Variants in LY86 observed in about 807,000 individuals in gnomAD.
LY86 encodes lymphocyte antigen 86.
LY86 carries 20 observed loss-of-function variants against 17.3 expected under a neutral mutation model. The ratio of observed to expected loss-of-function variants is 1.15; its 90% CI spans 0.81 to 1.68. The LOEUF (loss-of-function observed/expected upper bound fraction) is 1.68, where lower values mean the gene tolerates loss of function less well. Among genes scored for constraint, LY86 ranks in the 40% most tolerant of loss-of-function variants. The probability of loss-of-function intolerance (pLI) is 0.00; values close to 1 mark genes in which losing one functional copy is unlikely to be tolerated. For missense variants in LY86, 200 were observed against 191.9 expected (o/e 1.04, Z -0.25); for synonymous variants, 74 against 70.6 (o/e 1.05, Z -0.24).
At chr6:6,648,751 T>C (rs544635301) in intron 3 of LY86, among the ~76,000 whole-genome samples, 75 of 150,410 alleles carry the variant, frequency 5.0e-4, no homozygotes, top group African/African-American at 1.7e-3. Flanking sequence ...ATTGTCATTA[T>C]CTTACCCATC....
chr6:6,644,156 G>C (rs764776291), intron 3 of LY86, among the ~76,000 whole-genome samples: 1 of 152,198 alleles, frequency 6.6e-6, no homozygotes, highest in Non-Finnish European at 1.5e-5. Context: ...ATGGGGAGAG[G>C]GTTGCCTAAA....
intron 1 of LY86, among the ~76,000 whole-genome samples, chr6:6,603,324 C>A (rs1276337740): frequency 1.3e-5 from 2 of 151,672 alleles, no homozygotes; most frequent in Non-Finnish European, 2.9e-5. Flanking sequence ...CACACTAAAG[C>A]ATTCATGAAC....
At chr6:6,606,312 G>A (rs1581236678) in intron 1 of LY86, among the ~76,000 whole-genome samples, 1 of 152,284 alleles carries the variant, frequency 6.6e-6, no homozygotes, top group East Asian at 1.9e-4. Context: ...CAAACCCTGA[G>A]CTAGACACAG....
chr6:6,605,043 C>G (rs1222007149), intron 1 of LY86, among the ~76,000 whole-genome samples: 1 of 111,512 alleles, frequency 9.0e-6, no homozygotes, highest in Non-Finnish European at 2.0e-5. Context: ...AAAAAAAAAT[C>G]TAGAGTGTTT....
At chr6:6,649,568 T>C (rs1164011376) in intron 3 of LY86, 57 bp from the exon 4 acceptor site, 2 of 1,079,068 alleles carry the variant, frequency 1.9e-6, no homozygotes, top group Non-Finnish European at 2.8e-6. Flanking sequence ...ATCATGTGAA[T>C]GAATCATTTT....
At chr6:6,622,975 A>G (rs1236197971) in intron 1 of LY86, among the ~76,000 whole-genome samples, 1 of 152,180 alleles carries the variant, frequency 6.6e-6, no homozygotes, top group Non-Finnish European at 1.5e-5. Flanking sequence ...GACACTTTCT[A>G]GTGTGGGGAT....
intron 1 of LY86, among the ~76,000 whole-genome samples, chr6:6,603,009 G>A (rs1760960983): frequency 6.6e-6 from 1 of 152,124 alleles, no homozygotes; most frequent in South Asian, 2.1e-4. Context: ...AGAGGCCAGG[G>A]AGTCGGAGAT....
intron 1 of LY86, among the ~76,000 whole-genome samples, chr6:6,607,461 G>A (rs532865969): frequency 2.2e-4 from 33 of 152,110 alleles, no homozygotes; most frequent in African/African-American, 7.0e-4. Flanking sequence ...TAGAAATAAA[G>A]TATATGATTT....
intron 3 of LY86, among the ~76,000 whole-genome samples, chr6:6,631,256 T>G (rs1025363884): frequency 3.9e-5 from 6 of 152,178 alleles, no homozygotes; most frequent in Non-Finnish European, 4.4e-5. Context: ...AACTGTTTTT[T>G]CCTACATACA....
At chr6:6,600,793 A>G (rs1394505933) in intron 1 of LY86, among the ~76,000 whole-genome samples, 3 of 152,050 alleles carry the variant, frequency 2.0e-5, no homozygotes, top group Admixed American at 1.3e-4. Context: ...ATCATTTGCC[A>G]CGGGTCTGGA....
chr6:6,614,801 C>A (rs1761512134), intron 1 of LY86, among the ~76,000 whole-genome samples: 1 of 152,006 alleles, frequency 6.6e-6, no homozygotes, highest in African/African-American at 2.4e-5. Context: ...AGGGCCGTGC[C>A]TTTCTTGAAA....
chr6:6,629,207 G>A (rs1390599371), intron 3 of LY86, among the ~76,000 whole-genome samples: 1 of 152,220 alleles, frequency 6.6e-6, no homozygotes, highest in Non-Finnish European at 1.5e-5. Flanking sequence ...TTCATATAGT[G>A]TAAAATATCA....
chr6:6,605,787 T>C (rs1172321588), intron 1 of LY86, among the ~76,000 whole-genome samples: 1 of 152,210 alleles, frequency 6.6e-6, no homozygotes, highest in Non-Finnish European at 1.5e-5. Flanking sequence ...ATGTGTTCAG[T>C]TTCTTCCTTT....
chr6:6,592,325 C>A (rs1194900718), intron 1 of LY86, among the ~76,000 whole-genome samples: 3 of 152,222 alleles, frequency 2.0e-5, no homozygotes, highest in Non-Finnish European at 4.4e-5. Flanking sequence ...GAGGAGCAAA[C>A]ACAGTCAGGG....
At chr6:6,595,726 G>A (rs1760692069) in intron 1 of LY86, among the ~76,000 whole-genome samples, 1 of 152,140 alleles carries the variant, frequency 6.6e-6, no homozygotes, top group Non-Finnish European at 1.5e-5. Context: ...AGTATATGTA[G>A]GGCCACTCTC....
At chr6:6,603,013 C>T (rs935621645) in intron 1 of LY86, among the ~76,000 whole-genome samples, 10 of 152,066 alleles carry the variant, frequency 6.6e-5, no homozygotes, top group African/African-American at 2.2e-4. Context: ...GCCAGGGAGT[C>T]GGAGATCAAG....
At chr6:6,603,615 C>CAAAAAAAAAAAAAAAA (rs1221531073) in intron 1 of LY86, among the ~76,000 whole-genome samples, 1 of 114,172 alleles carries the variant, frequency 8.8e-6, no homozygotes, top group African/African-American at 3.4e-5. Context: ...GAAAAAAAAA[C>CAAAAAAAAAAAAAAAA]AAACAAAAAA....
At chr6:6,603,632 A>AAAAAAAACAACACAC (rs1561778111) in intron 1 of LY86, among the ~76,000 whole-genome samples, 1 of 135,810 alleles carries the variant, frequency 7.4e-6, no homozygotes, top group South Asian at 2.5e-4. Flanking sequence ...AAAAAAACAA[A>AAAAAAAACAACACAC]ACACACACAC....
intron 1 of LY86, among the ~76,000 whole-genome samples, chr6:6,600,802 G>A (rs2113088618): frequency 6.6e-6 from 1 of 152,064 alleles, no homozygotes; most frequent in South Asian, 2.1e-4. Context: ...CACGGGTCTG[G>A]ATCACTGGAT....
Sources: gnomAD v4.1 joint callset for allele counts (sites outside exome capture counted in the v4.1 genomes callset) on GRCh38, gnomAD v4.1.1 for gene constraint, MANE v1.5 for transcripts, NCBI Gene and HGNC (gene_info 2026-07-23, HGNC 2026-07-21) for gene names.